The following C8orf89 variants were observed in gnomAD, a reference collection of about 807,000 sequenced individuals.
C8orf89 encodes the protein chromosome 8 open reading frame 89, also known as putative uncharacterized protein C8orf89.
Under a neutral mutation model 15.8 loss-of-function variants are expected in C8orf89, and 14 were observed. That is an observed-to-expected ratio of 0.89 (90% CI 0.59 to 1.39). C8orf89 has a LOEUF of 1.39. Ranked by LOEUF, C8orf89 falls within the 40% of genes most tolerant of loss-of-function variation. The pLI is 0.00. For synonymous variants in C8orf89, 55 were observed against 62.2 expected, an observed-to-expected ratio of 0.88 and a Z score of 0.54; for missense variants, 181 against 184.5, an observed-to-expected ratio of 0.98 and a Z score of 0.11.
At chr8:73,245,848 A>C (rs1195714006) in intron 3 of C8orf89, among the ~76,000 whole-genome samples, 1 of 152,248 alleles carries the variant, frequency 6.6e-6, no homozygotes, top group East Asian at 1.9e-4. Context: ...CCCAAAGAAA[A>C]CAAGTAACCC....
At chr8:73,277,925 G>C in the C8orf89 span, 2 of 669,912 alleles carry the variant, frequency 3.0e-6, no homozygotes, top group Non-Finnish European at 5.7e-6. Context: ...CGCTTTCTGG[G>C]GCTTAGAGAG....
At chr8:73,272,595 C>G in the C8orf89 span, among the ~76,000 whole-genome samples, 41 of 151,626 alleles carry the variant, frequency 2.7e-4, no homozygotes, top group African/African-American at 9.0e-4. Flanking sequence ...CTAATGCTAT[C>G]CCTCCCCCCT....
intron 1 of C8orf89, among the ~76,000 whole-genome samples, chr8:73,258,992 A>T (rs1019073971): frequency 6.6e-6 from 1 of 152,206 alleles, no homozygotes; most frequent in Non-Finnish European, 1.5e-5. Flanking sequence ...AAATATAAAA[A>T]TCACCTTGAG....
At chr8:73,282,167 C>G in the C8orf89 span, among the ~76,000 whole-genome samples, 1 of 152,070 alleles carries the variant, frequency 6.6e-6, no homozygotes, top group African/African-American at 2.4e-5. Flanking sequence ...TAAGCATGTA[C>G]GATATACACA....
the C8orf89 span, among the ~76,000 whole-genome samples, chr8:73,284,632 T>C: frequency 6.6e-6 from 1 of 152,036 alleles, no homozygotes; most frequent in African/African-American, 2.4e-5. Context: ...CTAACAAGGA[T>C]TAAAAAGTAA....
the C8orf89 span, among the ~76,000 whole-genome samples, chr8:73,272,358 T>C: frequency 6.6e-4 from 101 of 152,274 alleles, 2 homozygotes; most frequent in African/African-American, 2.4e-3. Context: ...ATTGTAATCA[T>C]AATAAAATTA....
At chr8:73,263,640 C>T (rs1813568174), upstream of C8orf89, among the ~76,000 whole-genome samples, 1 of 152,188 alleles carries the variant, frequency 6.6e-6, no homozygotes, top group Non-Finnish European at 1.5e-5. Flanking sequence ...CATTCGTTCA[C>T]TCACTTAGCA....
the C8orf89 span, among the ~76,000 whole-genome samples, chr8:73,272,509 G>T: frequency 6.6e-6 from 1 of 151,844 alleles, no homozygotes; most frequent in Non-Finnish European, 1.5e-5. Context: ...CAACGTGCAG[G>T]TTTATTATAT....
At chr8:73,257,321 A>C (rs1813417030) in intron 1 of C8orf89, among the ~76,000 whole-genome samples, 195 bp from the exon 2 acceptor site, 2 of 152,192 alleles carry the variant, frequency 1.3e-5, no homozygotes, top group Admixed American at 1.3e-4. Context: ...GGAGTAGATT[A>C]AGGGGATGAT....
At chr8:73,269,026 G>A in the C8orf89 span, among the ~76,000 whole-genome samples, 11,516 of 152,150 alleles carry the variant, frequency 0.076, 862 homozygotes, top group African/African-American at 0.19. Context: ...ACTTAGCCAT[G>A]TGGTCACACC....
At chr8:73,275,507 G>A in the C8orf89 span, among the ~76,000 whole-genome samples, 6 of 151,840 alleles carry the variant, frequency 4.0e-5, no homozygotes, top group African/African-American at 1.5e-4. Flanking sequence ...CAAAGTGCTG[G>A]AATTACAGGC....
chr8:73,250,902 A>G (rs146974078), intron 2 of C8orf89, among the ~76,000 whole-genome samples: 1 of 152,160 alleles, frequency 6.6e-6, no homozygotes, highest in African/African-American at 2.4e-5. Flanking sequence ...AGGCTCAAGC[A>G]ATTTTCCTGC....
At chr8:73,276,374 C>T in the C8orf89 span, among the ~76,000 whole-genome samples, 1 of 151,990 alleles carries the variant, frequency 6.6e-6, no homozygotes, top group South Asian at 2.1e-4. Context: ...GACGGGGTTT[C>T]ATCATGTTGG....
At position 73,257,064 on chromosome 8, in the gene C8orf89, C is replaced by G; in HGVS notation, c.190G>C (p.Gly64Arg). 6.5e-7 allele frequency: 1 copy of G among 1,535,740 alleles called. No individual in the cohort carries two copies. The highest frequency in any genetic ancestry group is 1.2e-5 in the South Asian group (1 of 84,024). ...KECIKMPYLPGLQSCQKSVSS... is the reference protein window; with the variant it reads ...KECIKMPYLPRLQSCQKSVSS... Reference sequence around the variant, plus strand: ...ACACTTTTTTGGCAACTTTGCAGTCCTGGTAAATATGGCATTTTGATACAT... The same window carrying G: ...ACACTTTTTTGGCAACTTTGCAGTCGTGGTAAATATGGCATTTTGATACAT... The change falls in exon 2 of 4, where the codon GGA (glycine) becomes CGA (arginine). Residue 64 changes from glycine (G) to arginine (R), a missense_variant. Coordinates refer to ENST00000624510, the MANE Select transcript of C8orf89 (RefSeq NM_001243237.3).
intron 3 of C8orf89, 122 bp downstream of exon 3, chr8:73,250,146 T>A: frequency 1.6e-6 from 1 of 618,794 alleles, no homozygotes; most frequent in East Asian, 2.8e-5. Context: ...TAAACAAAGC[T>A]TAAAAGAAGT....
the C8orf89 span, among the ~76,000 whole-genome samples, chr8:73,282,984 T>C: frequency 6.6e-6 from 1 of 152,178 alleles, no homozygotes; most frequent in Non-Finnish European, 1.5e-5. Flanking sequence ...CCAATGGAGA[T>C]ATATAATCTG....
chr8:73,260,956 GT>G (rs1813514644), upstream of C8orf89, among the ~76,000 whole-genome samples: 1 of 152,168 alleles, frequency 6.6e-6, no homozygotes, highest in Non-Finnish European at 1.5e-5. Flanking sequence ...GACCTGTTGA[GT>G]CTTCTGGCCT....
At chr8:73,260,966 C>T (rs552047526), upstream of C8orf89, among the ~76,000 whole-genome samples, 45 of 152,230 alleles carry the variant, frequency 3.0e-4, no homozygotes, top group South Asian at 7.9e-3. Context: ...GTCTTCTGGC[C>T]TTCATCTTTC....
At chr8:73,256,779 C>T (rs906523721) in intron 2 of C8orf89, among the ~76,000 whole-genome samples, 194 bp downstream of exon 2, 1 of 141,400 alleles carries the variant, frequency 7.1e-6, no homozygotes, top group Non-Finnish European at 1.5e-5. Context: ...TAACATCACT[C>T]GAAAACAGAG....
Sources: gnomAD v4.1 joint callset for allele counts (sites outside exome capture counted in the v4.1 genomes callset) on GRCh38, gnomAD v4.1.1 for gene constraint, MANE v1.5 for transcripts, NCBI Gene and HGNC (gene_info 2026-07-23, HGNC 2026-07-21) for gene names.